The following PPP1R12B variants were observed in gnomAD, a reference collection of about 807,000 sequenced individuals.
PPP1R12B encodes the protein protein phosphatase 1 regulatory subunit 12B, also known as myosin phosphatase target subunit 2.
PPP1R12B carries 76 observed loss-of-function variants against 126.1 expected under a neutral mutation model. The observed-to-expected ratio is 0.60, with a 90% CI of 0.50 to 0.73. The LOEUF is 0.73. PPP1R12B is among the 30% of genes least tolerant of loss of function. The pLI is 0.00. For synonymous variants in PPP1R12B, 356 were observed against 434.7 expected (o/e 0.82, Z 2.25); for missense variants, 1,052 against 1,205.1 (o/e 0.87, Z 1.88).
chr1:202,465,074 G>C (rs1384966045), intron 13 of PPP1R12B, among the ~76,000 whole-genome samples: 1 of 152,148 alleles, frequency 6.6e-6, no homozygotes, highest in South Asian at 2.1e-4. Flanking sequence ...TATAAGCCAA[G>C]TACCCTGCTA....
At chr1:202,566,860 T>G (rs900120382) in intron 21 of PPP1R12B, among the ~76,000 whole-genome samples, 2 of 152,190 alleles carry the variant, frequency 1.3e-5, no homozygotes, top group South Asian at 2.1e-4. Flanking sequence ...TCTATATTTA[T>G]TTAAATGTTG....
intron 18 of PPP1R12B, among the ~76,000 whole-genome samples, chr1:202,530,303 A>G (rs1239725393): frequency 6.6e-6 from 1 of 152,172 alleles, no homozygotes. Context: ...CATATTTTCA[A>G]AAGCTCTTGT....
intron 18 of PPP1R12B, among the ~76,000 whole-genome samples, chr1:202,501,622 T>C (rs182926246): frequency 3.3e-5 from 5 of 152,318 alleles, no homozygotes; most frequent in Non-Finnish European, 5.9e-5. Context: ...TCCCAACTTT[T>C]GGTATCATAG....
At chr1:202,494,723 AAAAG>A in intron 15 of PPP1R12B, among the ~76,000 whole-genome samples, 1 of 152,076 alleles carries the variant, frequency 6.6e-6, no homozygotes, top group African/African-American at 2.4e-5. Flanking sequence ...AAAAGAAAAG[AAAAG>A]AAAAGAAAAC....
At chr1:202,412,368 G>T (rs188982439) in intron 1 of PPP1R12B, among the ~76,000 whole-genome samples, 2 of 152,184 alleles carry the variant, frequency 1.3e-5, no homozygotes, top group Non-Finnish European at 2.9e-5. Flanking sequence ...TAGTGATGAG[G>T]TGAAGGAGAT....
intron 15 of PPP1R12B, among the ~76,000 whole-genome samples, chr1:202,494,005 C>T (rs1679211720): frequency 6.6e-6 from 1 of 152,180 alleles, no homozygotes; most frequent in Admixed American, 6.5e-5. Flanking sequence ...AACATAACTC[C>T]TGGTTTACCT....
intron 5 of PPP1R12B, among the ~76,000 whole-genome samples, chr1:202,428,009 A>C (rs1669772096): frequency 6.8e-6 from 1 of 146,006 alleles, no homozygotes; most frequent in Non-Finnish European, 1.5e-5. Context: ...GGGGGGTCTC[A>C]CTGGTTTCCC....
In PPP1R12B at chr1:202,381,973, C is replaced by T. The variant is rs574085196; in HGVS notation, c.291+32831C>T. 4.7e-4 allele frequency among the ~76,000 whole-genome samples: 71 copies of T among 152,170 alleles called. 1 individual carries two copies. Among genetic ancestry groups the T allele is most frequent in the Non-Finnish European group, 8.2e-4 (56 of 68,024 alleles). On this transcript the variant is annotated intron_variant, in intron 1 of 23. Coordinates refer to ENST00000608999, the MANE Select transcript of PPP1R12B (RefSeq NM_002481.4). ...ATGCTGCTGTAAAGACACATGCACGCGTATGTTTATTGCAGCACTATTCAC... is the reference window on the plus strand; with the variant it reads ...ATGCTGCTGTAAAGACACATGCACGTGTATGTTTATTGCAGCACTATTCAC...
intron 18 of PPP1R12B, among the ~76,000 whole-genome samples, chr1:202,523,213 C>T (rs1310768933): frequency 2.0e-5 from 3 of 152,228 alleles, no homozygotes; most frequent in South Asian, 2.1e-4. Flanking sequence ...GACAATGATC[C>T]TGACCTGTTG....
chr1:202,408,560 T>A (rs1308126826), intron 1 of PPP1R12B, among the ~76,000 whole-genome samples: 6 of 152,182 alleles, frequency 3.9e-5, no homozygotes, highest in African/African-American at 1.4e-4. Flanking sequence ...TTCCTGTGGC[T>A]TCTGTAACAA....
intron 18 of PPP1R12B, among the ~76,000 whole-genome samples, chr1:202,551,590 T>C (rs1429706553): frequency 6.6e-6 from 1 of 151,886 alleles, no homozygotes; most frequent in African/African-American, 2.4e-5. Context: ...CCAAAAGTCC[T>C]CACCTGATCT....
chr1:202,390,075 C>G (rs577875912), intron 1 of PPP1R12B, among the ~76,000 whole-genome samples: 8 of 152,232 alleles, frequency 5.3e-5, no homozygotes, highest in Admixed American at 1.3e-4. Context: ...AGTGTGGTAT[C>G]AGCACAAAGG....
chr1:202,361,525 C>T (rs10800833), intron 1 of PPP1R12B, among the ~76,000 whole-genome samples: 65,925 of 152,064 alleles, frequency 0.43, 15,669 homozygotes, highest in East Asian at 0.7. Context: ...TATGAGGGAG[C>T]TGCCCTTGTA....
In PPP1R12B at chr1:202,586,794, G is replaced by GT. The variant is rs985368284; in HGVS notation, c.*6235dup. On this transcript the variant is annotated 3_prime_UTR_variant, in exon 24 of 24. Transcript: ENST00000608999. ...AAGCCCTCCTTCGGGAGAACTGTAA[G>GT]TAAGAGGTGGGTGTGTCTAAAGACA... is the stretch of plus-strand genomic sequence containing the variant. 1 of 152,222 alleles carries GT rather than the reference G, an allele frequency of 6.6e-6. No individual in the cohort carries two copies. The highest frequency in any genetic ancestry group is 2.4e-5 in the African/African-American group (1 of 41,456). The allele number at this position is 152,222 out of a possible 1,614,324, so 9.4% of individuals were successfully genotyped here. A position where few individuals can be genotyped will look rare whatever the true frequency, so the allele number is the denominator to read the frequency against.
At chr1:202,530,038 T>C (rs141833889) in intron 18 of PPP1R12B, among the ~76,000 whole-genome samples, 26 of 152,358 alleles carry the variant, frequency 1.7e-4, no homozygotes, top group African/African-American at 5.8e-4. Context: ...AAGCTACTTA[T>C]TCAGTGTTTA....
intron 2 of PPP1R12B, chr1:202,417,262 C>A: frequency 2.0e-6 from 2 of 985,322 alleles, no homozygotes; most frequent in Non-Finnish European, 2.4e-6. Context: ...TTTCTGGATT[C>A]TTTGTAAACC....
At chr1:202,531,268 C>T (rs1683917299) in intron 18 of PPP1R12B, among the ~76,000 whole-genome samples, 2 of 152,194 alleles carry the variant, frequency 1.3e-5, no homozygotes, top group Admixed American at 6.5e-5. Flanking sequence ...GAATTCTAGA[C>T]TATCTTCCAA....
In PPP1R12B at chr1:202,348,764, G is replaced by T. The variant is rs1037948646; in HGVS notation, c.-88G>T. ...TCTCCGCCCTCTGCTCCGGGCTGAA[G>T]CGCTCTGAGAGAGGCGGCAGCGGCA... is the stretch of plus-strand genomic sequence containing the variant. On this transcript the variant is annotated 5_prime_UTR_variant, in exon 1 of 24. Transcript: ENST00000608999. 7.5e-6 allele frequency: 11 copies of T among 1,472,532 alleles called. No homozygotes were observed. The Admixed American group carries it at 1.6e-4, about 21-fold the overall frequency. The allele number at this position is 1,472,532 out of a possible 1,614,324, so 91.2% of individuals were successfully genotyped here. A position where few individuals can be genotyped will look rare whatever the true frequency, so the allele number is the denominator to read the frequency against.
intron 1 of PPP1R12B, among the ~76,000 whole-genome samples, chr1:202,349,518 C>T (rs1430970643): frequency 1.3e-5 from 2 of 152,148 alleles, no homozygotes; most frequent in Admixed American, 6.5e-5. Flanking sequence ...GTTTGATGCC[C>T]TTTCAGAAAA....
Sources: allele counts gnomAD v4.1 joint callset (sites outside exome capture counted in the v4.1 genomes callset), GRCh38; gene constraint gnomAD v4.1.1; transcripts MANE v1.5; gene names NCBI Gene and HGNC (gene_info 2026-07-23, HGNC 2026-07-21).